The following RWDD1 variants were observed in gnomAD, a reference collection of about 807,000 sequenced individuals.
RWDD1 encodes the protein RWD domain containing 1, also known as RWD domain-containing protein 1.
RWDD1 carries 17 observed loss-of-function variants against 31.6 expected under a neutral mutation model. The observed-to-expected ratio is 0.54, with a 90% CI of 0.37 to 0.81. RWDD1 has a LOEUF of 0.81. Among genes scored for constraint, RWDD1 ranks in the 30% least tolerant of loss-of-function variants. The pLI is 0.00. For synonymous variants in RWDD1, 78 were observed against 94.2 expected (o/e 0.83, Z 0.99); for missense variants, 204 against 274.5 (o/e 0.74, Z 1.82).
chr6:116,583,412 A>C (rs1358061449), intron 2 of RWDD1, among the ~76,000 whole-genome samples: 2 of 152,202 alleles, frequency 1.3e-5, no homozygotes, highest in Non-Finnish European at 2.9e-5. Context: ...GTTCAGTTAT[A>C]CAAGATGAAA....
intron 3 of RWDD1, among the ~76,000 whole-genome samples, chr6:116,585,626 T>C (rs1315887269): frequency 6.6e-6 from 1 of 152,138 alleles, no homozygotes; most frequent in East Asian, 1.9e-4. Context: ...GTGACTTACA[T>C]ATTCTAAAGA....
chr6:116,587,621 G>T (rs977332515), intron 3 of RWDD1, among the ~76,000 whole-genome samples: 1 of 151,900 alleles, frequency 6.6e-6, no homozygotes, highest in Non-Finnish European at 1.5e-5. Flanking sequence ...CAGTTTTGTG[G>T]TGCTTCAGTT....
intron 5 of RWDD1, 118 bp from the exon 6 acceptor site, chr6:116,590,770 C>G: frequency 7.1e-7 from 1 of 1,407,908 alleles, no homozygotes; most frequent in South Asian, 1.5e-5. Flanking sequence ...TGAATAAATT[C>G]AGAAATTTAT....
At chr6:116,592,219 A>T (rs2115337869) in intron 6 of RWDD1, among the ~76,000 whole-genome samples, 1 of 152,130 alleles carries the variant, frequency 6.6e-6, no homozygotes, top group Middle Eastern at 3.4e-3. Flanking sequence ...TTTCTCAGGA[A>T]TTTCATCTTC....
intron 2 of RWDD1, among the ~76,000 whole-genome samples, chr6:116,582,040 ATT>A (rs1286745956): frequency 1.2e-4 from 19 of 152,058 alleles, no homozygotes; most frequent in African/African-American, 4.6e-4. Flanking sequence ...TTTAAGCAAA[ATT>A]TTATCCATCT....
In RWDD1 at chr6:116,590,929, G is replaced by C; in HGVS notation, c.589G>C (p.Asp197His). The change falls in exon 6 of 7, where the codon GAT (aspartate) becomes CAT (histidine). Residue 197 changes from aspartate to histidine, a missense_variant. Transcript: ENST00000466444. ...AACAGATCATAATCTTGACACATCT[G>C]ATATCCAGTTCTTGGAGGATGGTAA... ...FETDHNLDTS[D>H]IQFLEDAGNN... 6.4e-7 allele frequency: 1 copy of C among 1,570,252 alleles called. No homozygotes were observed.
intron 5 of RWDD1, 59 bp from the exon 6 acceptor site, chr6:116,590,826 TGTA>T: frequency 3.3e-6 from 5 of 1,524,238 alleles, no homozygotes; most frequent in Non-Finnish European, 4.4e-6. Context: ...TTCTAAGTAT[TGTA>T]GTGAAAATGG....
At chr6:116,572,175 A>T (rs1183550289) in intron 1 of RWDD1, among the ~76,000 whole-genome samples, 1 of 151,970 alleles carries the variant, frequency 6.6e-6, no homozygotes, top group Non-Finnish European at 1.5e-5. Context: ...AAAAAAAAAA[A>T]ATCTGGCATT....
At chr6:116,587,532 A>G (rs930223720) in intron 3 of RWDD1, among the ~76,000 whole-genome samples, 4 of 152,186 alleles carry the variant, frequency 2.6e-5, no homozygotes, top group East Asian at 1.9e-4. Flanking sequence ...AGGGTCTCCT[A>G]AATGTTCACA....
chr6:116,583,898 T>A (rs1004109195), intron 2 of RWDD1, among the ~76,000 whole-genome samples: 5 of 152,210 alleles, frequency 3.3e-5, no homozygotes, highest in Non-Finnish European at 7.3e-5. Context: ...AAAGTGCTTT[T>A]TTTCCCCGTC....
chr6:116,588,776 T>G (rs1775084139), intron 3 of RWDD1, 66 bp from the exon 4 acceptor site: 3 of 1,155,274 alleles, frequency 2.6e-6, no homozygotes, highest in Non-Finnish European at 3.5e-6. Context: ...AATTAGTAAT[T>G]ATTATAAATG....
intron 1 of RWDD1, among the ~76,000 whole-genome samples, chr6:116,575,675 A>G (rs1278148497): frequency 3.3e-5 from 5 of 152,216 alleles, no homozygotes; most frequent in Non-Finnish European, 5.9e-5. Flanking sequence ...GGTTTTTAAA[A>G]AGGTAAAAAC....
intron 4 of RWDD1, 138 bp downstream of exon 4, chr6:116,589,123 C>A: frequency 1.4e-6 from 1 of 728,080 alleles, no homozygotes. Context: ...AGTAAAGTTT[C>A]ACTAAAATTG....
intron 2 of RWDD1, among the ~76,000 whole-genome samples, chr6:116,584,163 C>T (rs1320728564): frequency 3.3e-5 from 5 of 152,068 alleles, no homozygotes; most frequent in Non-Finnish European, 7.3e-5. Flanking sequence ...GTGTGAGATC[C>T]GTAAATTGAC....
intron 2 of RWDD1, among the ~76,000 whole-genome samples, chr6:116,581,675 T>G (rs1318404932): frequency 1.3e-5 from 2 of 152,020 alleles, no homozygotes; most frequent in African/African-American, 4.8e-5. Flanking sequence ...TAATTAAAAA[T>G]GCAAGCTAAA....
In RWDD1 at chr6:116,595,711, G is replaced by A. The variant is rs1234143646; in HGVS notation, c.*2610G>A. ...GAATGAATGAATTATAGAATAGAGT[G>A]CAAAATTAATTCTAATGTATTTTAA... On this transcript the variant is annotated 3_prime_UTR_variant, in exon 7 of 7. Transcript: ENST00000466444. 2.0e-5 allele frequency: 3 copies of A among 152,170 alleles called. No individual in the cohort carries two copies. Among genetic ancestry groups the A allele is most frequent in the Admixed American group, 6.5e-5 (1 of 15,278 alleles). The allele number at this position is 152,170 out of a possible 1,614,324, so 9.4% of individuals were successfully genotyped here. A position where few individuals can be genotyped will look rare whatever the true frequency, so the allele number is the denominator to read the frequency against.
chr6:116,585,263 GA>G (rs34042724), intron 3 of RWDD1, among the ~76,000 whole-genome samples: 54,185 of 151,950 alleles, frequency 0.36, 11,051 homozygotes, highest in East Asian at 0.54. Context: ...TGCAGTCTGG[GA>G]AAAGGACTGG....
chr6:116,587,598 A>G (rs1775066248), intron 3 of RWDD1, among the ~76,000 whole-genome samples: 4 of 152,106 alleles, frequency 2.6e-5, no homozygotes, highest in Admixed American at 2.6e-4. Context: ...TTTAAGCAAG[A>G]CATTGACTAG....
intron 3 of RWDD1, among the ~76,000 whole-genome samples, chr6:116,587,595 A>G (rs2115333684): frequency 6.6e-6 from 1 of 152,232 alleles, no homozygotes; most frequent in South Asian, 2.1e-4. Flanking sequence ...GGTTTTAAGC[A>G]AGACATTGAC....
Sources: allele counts gnomAD v4.1 joint callset (sites outside exome capture counted in the v4.1 genomes callset), GRCh38; gene constraint gnomAD v4.1.1; transcripts MANE v1.5; gene names NCBI Gene and HGNC (gene_info 2026-07-23, HGNC 2026-07-21).